ANKRD55: variants seen among roughly 807,000 people sequenced by gnomAD.
The protein encoded by ANKRD55 is ankyrin repeat domain-containing protein 55.
ANKRD55 carries 41 observed loss-of-function variants against 60.6 expected under a neutral mutation model. The observed-to-expected ratio is 0.68, with a 90% CI of 0.53 to 0.88. The LOEUF is 0.88. ANKRD55 is among the 40% of genes least tolerant of loss of function. The pLI is 0.00. For synonymous variants in ANKRD55, 264 were observed against 290.3 expected (o/e 0.91, Z 0.92); for missense variants, 732 against 767.6 (o/e 0.95, Z 0.55).
At chr5:56,188,754 G>A (rs1018380050) in intron 2 of ANKRD55, among the ~76,000 whole-genome samples, 3 of 152,130 alleles carry the variant, frequency 2.0e-5, no homozygotes, top group Admixed American at 6.5e-5. Context: ...GTAATGTGAT[G>A]CCTCCAGCTT....
chr5:56,193,122 T>C, intron 2 of ANKRD55: 2 of 683,638 alleles, frequency 2.9e-6, no homozygotes, highest in Non-Finnish European at 2.4e-6. Context: ...AAAGAACACA[T>C]TTATTTTAGG....
chr5:56,123,365 T>C (rs1757137533), intron 8 of ANKRD55, among the ~76,000 whole-genome samples: 1 of 152,126 alleles, frequency 6.6e-6, no homozygotes, highest in South Asian at 2.1e-4. Context: ...CAGGTACAGA[T>C]TGTATCTTCT....
chr5:56,153,442 T>C (rs1199900624), intron 6 of ANKRD55, among the ~76,000 whole-genome samples: 1 of 152,196 alleles, frequency 6.6e-6, no homozygotes, highest in Non-Finnish European at 1.5e-5. Context: ...GACTGGTGTT[T>C]ATGATGGTGA....
intron 5 of ANKRD55, among the ~76,000 whole-genome samples, chr5:56,170,004 T>A (rs535687153): frequency 1.3e-5 from 2 of 152,306 alleles, no homozygotes; most frequent in East Asian, 3.9e-4. Context: ...CCTTCATTGC[T>A]CAGTTATCTT....
Position 56,133,741 on chromosome 5 carries a change from A to T in ANKRD55, c.613-6635T>A, listed in dbSNP as rs1279629138. Among the ~76,000 whole-genome samples, 3 of 114,880 alleles carry T rather than the reference A, an allele frequency of 2.6e-5. 1 individual carries two copies. The highest frequency in any genetic ancestry group is 5.7e-5 in the African/African-American group (2 of 35,388). 75.4% of individuals were successfully genotyped at this position (114,880 alleles called of 152,430 possible). On this transcript the variant is annotated intron_variant, in intron 7 of 11. Transcript: ENST00000341048. ...AAAAGAAGAAATTGCAAGATAAATT[A>T]AAAAAATACTTTGAACAAAAGGAAG...
chr5:56,148,819 G>C (rs926470779), intron 6 of ANKRD55, among the ~76,000 whole-genome samples: 1 of 151,720 alleles, frequency 6.6e-6, no homozygotes, highest in Admixed American at 6.6e-5. Context: ...TTTGTTCCCC[G>C]TCTTGGTTGG....
At chr5:56,192,374 C>T (rs1450703422) in intron 2 of ANKRD55, among the ~76,000 whole-genome samples, 1 of 152,180 alleles carries the variant, frequency 6.6e-6, no homozygotes, top group East Asian at 1.9e-4. Context: ...AAAACTCTGC[C>T]GCTGCTGCCG....
intron 2 of ANKRD55, 68 bp downstream of exon 2, chr5:56,232,788 A>G: frequency 6.7e-7 from 1 of 1,489,026 alleles, no homozygotes; most frequent in African/African-American, 1.4e-5. Flanking sequence ...CTCTCCTTAC[A>G]ACTGTAAATC....
chr5:56,176,023 A>T, intron 4 of ANKRD55, 129 bp downstream of exon 4: 1 of 1,212,168 alleles, frequency 8.2e-7, no homozygotes, highest in Non-Finnish European at 1.2e-6. Context: ...TGATTGGAGT[A>T]AAGCTTCAAG....
chr5:56,193,924 C>G (rs913547762), intron 2 of ANKRD55, among the ~76,000 whole-genome samples: 5 of 152,158 alleles, frequency 3.3e-5, no homozygotes, highest in African/African-American at 1.2e-4. Context: ...ATTTTGTTGT[C>G]TATTTTTGAC....
Position 56,232,919 on chromosome 5 carries a change from A to T in ANKRD55, c.-6T>A. 1 of 1,614,086 alleles carries T rather than the reference A, an allele frequency of 6.2e-7. No homozygotes were observed. The highest frequency in any genetic ancestry group is 8.5e-7 in the Non-Finnish European group (1 of 1,179,960). ...ATGGTAGCCTGTCTCATCATTTACC[A>T]TCAGAATGGCAAAAAGCATCCAGGT... On this transcript the variant is annotated 5_prime_UTR_variant, in exon 2 of 12. The change abolishes an upstream ATG in the 5' untranslated region. Transcript: ENST00000341048.
In ANKRD55 at chr5:56,165,669, C is replaced by G. The variant is rs147668425; in HGVS notation, c.422+5025G>C. ...ACTTCGCCAGGTGTGGTGGCTCACT[C>G]TTGTAATCCCAGCACTTTGGGAGGC... On this transcript the variant is annotated intron_variant, in intron 5 of 11. Transcript: ENST00000341048. Among the ~76,000 whole-genome samples, 1,008 of 152,212 alleles carry G rather than the reference C, an allele frequency of 6.6e-3. 15 individuals are homozygous for G. The highest frequency in any genetic ancestry group is 0.023 in the African/African-American group (949 of 41,522).
At chr5:56,144,732 G>C (rs1261443255) in intron 6 of ANKRD55, among the ~76,000 whole-genome samples, 1 of 152,188 alleles carries the variant, frequency 6.6e-6, no homozygotes, top group Non-Finnish European at 1.5e-5. Flanking sequence ...ATAAATGAAT[G>C]GTGAATCCCA....
intron 2 of ANKRD55, among the ~76,000 whole-genome samples, chr5:56,227,575 T>G (rs968056965): frequency 4.0e-5 from 6 of 151,822 alleles, no homozygotes; most frequent in African/African-American, 1.4e-4. Flanking sequence ...AGAGCTTGAT[T>G]GTGAAAATAA....
chr5:56,131,409 T>A (rs1757408053), intron 7 of ANKRD55, among the ~76,000 whole-genome samples: 1 of 152,160 alleles, frequency 6.6e-6, no homozygotes, highest in South Asian at 2.1e-4. Context: ...TATGAAACTG[T>A]CCTTCAAAAG....
chr5:56,110,364 A>G (rs1240661340), intron 10 of ANKRD55, among the ~76,000 whole-genome samples: 1 of 152,160 alleles, frequency 6.6e-6, no homozygotes, highest in Non-Finnish European at 1.5e-5. Flanking sequence ...GTGCCACTGC[A>G]CTCTAGCCTG....
intron 7 of ANKRD55, among the ~76,000 whole-genome samples, chr5:56,130,587 GA>G (rs1757383338): frequency 1.3e-5 from 2 of 152,090 alleles, no homozygotes; most frequent in South Asian, 4.1e-4. Flanking sequence ...TCTGGCTATC[GA>G]GAAAAAATTA....
chr5:56,165,310 T>C (rs1423584000), intron 5 of ANKRD55, among the ~76,000 whole-genome samples: 1 of 152,210 alleles, frequency 6.6e-6, no homozygotes, highest in African/African-American at 2.4e-5. Context: ...GATGTAGGAC[T>C]GCATTTACAT....
chr5:56,180,304 T>C, intron 3 of ANKRD55, among the ~76,000 whole-genome samples: 1 of 152,240 alleles, frequency 6.6e-6, no homozygotes, highest in Non-Finnish European at 1.5e-5. Flanking sequence ...AGGGAACACA[T>C]TCGAACTATA....
Sources: allele counts gnomAD v4.1 joint callset (sites outside exome capture counted in the v4.1 genomes callset), GRCh38; gene constraint gnomAD v4.1.1; transcripts MANE v1.5; gene names NCBI Gene and HGNC (gene_info 2026-07-23, HGNC 2026-07-21).